PDS5A: variants seen among roughly 807,000 people sequenced by gnomAD.
The protein encoded by PDS5A is PDS5 cohesin associated factor A, also known as sister chromatid cohesion protein PDS5 homolog A.
In PDS5A, 42 loss-of-function variants were observed where a neutral mutation model predicts 167.1. That is an observed-to-expected ratio of 0.25 (90% CI 0.20 to 0.33). The LOEUF is 0.33. Ranked by LOEUF, PDS5A falls within the 10% of genes least tolerant of loss-of-function variation. The probability of loss-of-function intolerance (pLI) is 1.00; values close to 1 mark genes in which losing one functional copy is unlikely to be tolerated. For missense variants in PDS5A, 1,033 were observed against 1,605.9 expected (o/e 0.64, Z 6.10); for synonymous variants, 553 against 554.6 (o/e 1.00, Z 0.04).
Position 39,862,236 on chromosome 4 carries a change from C to G in PDS5A, c.3069G>C (p.Gln1023His). ...AGACTTACTCTTTGATATCACGAAG[C>G]TGATCAACATCTTGTGATCTTGTAA... ...PDFTRSQDVDQLRDIKECLWF... is the reference protein window; with the variant it reads ...PDFTRSQDVDHLRDIKECLWF... The change falls in exon 26 of 33, where the codon CAG (glutamine) becomes CAC (histidine). Residue 1023 changes from glutamine to histidine, a missense_variant. This residue lies in a region of PDS5A where 367 missense variants were observed against 686.7 expected (regional missense o/e 0.53). Coordinates refer to ENST00000303538, the MANE Select transcript of PDS5A (RefSeq NM_001100399.2). 1 of 1,476,172 alleles carries G rather than the reference C, an allele frequency of 6.8e-7. No individual in the cohort carries two copies. The highest frequency in any genetic ancestry group is 9.2e-7 in the Non-Finnish European group (1 of 1,084,870). The allele number at this position is 1,476,172 out of a possible 1,614,324, so 91.4% of individuals were successfully genotyped here.
chr4:39,961,913 A>G lies in PDS5A; in HGVS notation c.138+14527T>C, dbSNP rs79958415. ...CATATATGGTTTTTAATAAGCCTTA[A>G]CCTAATTTCTATTTAATTCAAGATC... On this transcript the variant is annotated intron_variant, in intron 2 of 32. Transcript: ENST00000303538. 4.6e-3 allele frequency among the ~76,000 whole-genome samples: 702 copies of G among 152,326 alleles called. 8 individuals are homozygous for G. The highest frequency in any genetic ancestry group is 0.016 in the African/African-American group (662 of 41,574).
chr4:39,919,062 C>T (rs185717405), intron 7 of PDS5A, among the ~76,000 whole-genome samples: 16 of 152,276 alleles, frequency 1.1e-4, no homozygotes, highest in Middle Eastern at 3.4e-3. Flanking sequence ...AAGACAGACA[C>T]TTCTTTACTA....
At chr4:39,925,060 C>T (rs147285881) in intron 5 of PDS5A, among the ~76,000 whole-genome samples, 2 of 151,924 alleles carry the variant, frequency 1.3e-5, no homozygotes, top group South Asian at 4.2e-4. Context: ...TGCAGTGAGC[C>T]AAGATGGCAC....
At chr4:39,862,137 A>G in intron 26 of PDS5A, 82 bp downstream of exon 26, 1 of 502,776 alleles carries the variant, frequency 2.0e-6, no homozygotes. Context: ...TAAATAATAA[A>G]TAAAAATAAT....
In PDS5A at chr4:39,879,843, G is replaced by T; in HGVS notation, c.1887-10C>A. On this transcript the variant is annotated splice_polypyrimidine_tract_variant and intron_variant, in intron 17 of 32. Coordinates refer to ENST00000303538, the MANE Select transcript of PDS5A (RefSeq NM_001100399.2). ...CAATTTCACTAGTGCACTATAAAAA[G>T]AAGAAAATATAAATCAGTAACCACT... is the stretch of plus-strand genomic sequence containing the variant. 6.6e-7 allele frequency: 1 copy of T among 1,509,490 alleles called. No individual in the cohort carries two copies. The highest frequency in any genetic ancestry group is 9.2e-7 in the Non-Finnish European group (1 of 1,085,632). The allele number at this position is 1,509,490 out of a possible 1,614,324, so 93.5% of individuals were successfully genotyped here. A position where few individuals can be genotyped will look rare whatever the true frequency, so the allele number is the denominator to read the frequency against.
intron 21 of PDS5A, among the ~76,000 whole-genome samples, chr4:39,872,404 C>T (rs1301832345): frequency 1.3e-5 from 2 of 152,094 alleles, no homozygotes; most frequent in Non-Finnish European, 2.9e-5. Context: ...GTGGCTCACA[C>T]CTGTAATCCC....
chr4:39,970,442 TAA>T lies in PDS5A; in HGVS notation c.138+5996_138+5997del, dbSNP rs11345890. Reference sequence around the variant, plus strand: ...TTCACAATAGTTTCTCTCAAATGCTTAAAAAAAAAAAAAAAGCTGTCCTTTTT... The same window carrying T: ...TTCACAATAGTTTCTCTCAAATGCTTAAAAAAAAAAAAAGCTGTCCTTTTT... On this transcript the variant is annotated intron_variant, in intron 2 of 32. Transcript: ENST00000303538. Among the ~76,000 whole-genome samples the T allele has an allele frequency of 2.3e-3, 324 of 142,340 alleles. 3 individuals are homozygous for T. The highest frequency in any genetic ancestry group is 7.0e-3 in the Middle Eastern group (2 of 284). The allele number at this position is 142,340 out of a possible 152,430, so 93.4% of individuals were successfully genotyped here.
chr4:39,932,576 GGGTCACAGCACTTTGGGAGGCT>G (rs1429248538), intron 2 of PDS5A: 2 of 164,972 alleles, frequency 1.2e-5, no homozygotes, highest in African/African-American at 4.8e-5. Context: ...TAAGCGCGGT[GGGTCACAGCACTTTGGGAGGCT>G]GAGGCAGGCA....
At chr4:39,897,945 G>A in intron 16 of PDS5A, 1 of 663,450 alleles carries the variant, frequency 1.5e-6, no homozygotes. Context: ...TTTTAAATGA[G>A]TTCAAGAGAA....
At chr4:39,867,774 A>ACACACACCC (rs369419469) in intron 22 of PDS5A, among the ~76,000 whole-genome samples, 1 of 108,524 alleles carries the variant, frequency 9.2e-6, no homozygotes, top group Non-Finnish European at 1.9e-5. Flanking sequence ...ACACACACAC[A>ACACACACCC]CCCCACAACT....
chr4:39,891,937 T>G (rs1241014250), intron 16 of PDS5A, among the ~76,000 whole-genome samples: 1 of 151,422 alleles, frequency 6.6e-6, no homozygotes, highest in African/African-American at 2.4e-5. Context: ...GGCAAAACCC[T>G]GTTTCTACCA....
chr4:39,834,437 T>TTC (rs1389466000), intron 32 of PDS5A, among the ~76,000 whole-genome samples: 5 of 152,200 alleles, frequency 3.3e-5, no homozygotes, highest in African/African-American at 1.2e-4. Flanking sequence ...CATGACAATG[T>TTC]TCTCGCTCAT....
intron 16 of PDS5A, among the ~76,000 whole-genome samples, chr4:39,891,369 C>T (rs1369088838): frequency 2.6e-5 from 4 of 151,080 alleles, no homozygotes; most frequent in South Asian, 2.1e-4. Flanking sequence ...ATATTCAGGC[C>T]GGGCGCAGGT....
At chr4:39,920,150 TA>T (rs1265664587) in intron 7 of PDS5A, among the ~76,000 whole-genome samples, 168 bp downstream of exon 7, 4 of 152,244 alleles carry the variant, frequency 2.6e-5, no homozygotes, top group African/African-American at 7.2e-5. Context: ...ATCCACCCTT[TA>T]AAAACGTCAT....
intron 26 of PDS5A, among the ~76,000 whole-genome samples, chr4:39,856,417 A>G (rs1427718598): frequency 3.9e-5 from 6 of 152,378 alleles, no homozygotes; most frequent in South Asian, 2.1e-4. Context: ...ATTTAAAGCC[A>G]TAAGAAGAAA....
At chr4:39,920,422 A>G (rs28419175) in intron 6 of PDS5A, 23 bp from the exon 7 acceptor site, 2 of 1,081,436 alleles carry the variant, frequency 1.8e-6, no homozygotes, top group South Asian at 2.7e-5. Context: ...AAAAACATGG[A>G]AAGTTACAAA....
At chr4:39,885,311 G>C (rs905661349) in intron 17 of PDS5A, among the ~76,000 whole-genome samples, 18 of 140,406 alleles carry the variant, frequency 1.3e-4, no homozygotes, top group African/African-American at 4.9e-4. Context: ...GAAGAGAAGA[G>C]AAAAAAAACT....
At chr4:39,842,377 G>C (rs529228085) in intron 30 of PDS5A, among the ~76,000 whole-genome samples, 1 of 152,218 alleles carries the variant, frequency 6.6e-6, no homozygotes, top group African/African-American at 2.4e-5. Context: ...TTTGGGAATA[G>C]AAAATCCTAA....
chr4:39,969,555 A>G (rs557800550), intron 2 of PDS5A, among the ~76,000 whole-genome samples: 1 of 152,240 alleles, frequency 6.6e-6, no homozygotes, highest in South Asian at 2.1e-4. Context: ...AATCCCAGCT[A>G]TTCAGGAGGC....
Sources: gnomAD v4.1 joint callset for allele counts (sites outside exome capture counted in the v4.1 genomes callset) on GRCh38, gnomAD v4.1.1 for gene constraint, gnomAD v4.1.1 regional missense constraint, MANE v1.5 for transcripts, NCBI Gene and HGNC (gene_info 2026-07-23, HGNC 2026-07-21) for gene names.